The following EPB41L1 variants were observed in gnomAD, a reference collection of about 807,000 sequenced individuals.
The protein encoded by EPB41L1 is erythrocyte membrane protein band 4.1 like 1, also known as band 4.1-like protein 1.
A neutral mutation model predicts 97.8 loss-of-function variants in EPB41L1; 29 were observed. That is an observed-to-expected ratio of 0.30 (90% CI 0.22 to 0.40). The LOEUF (loss-of-function observed/expected upper bound fraction) is 0.40, where lower values mean the gene tolerates loss of function less well. EPB41L1 is among the 10% of genes least tolerant of loss of function. The probability of loss-of-function intolerance (pLI) is 1.00; values close to 1 mark genes in which losing one functional copy is unlikely to be tolerated. For synonymous variants in EPB41L1, 383 were observed against 459.2 expected (o/e 0.83, Z 2.12); for missense variants, 812 against 1,162.3 (o/e 0.70, Z 4.38).
At chr20:36,200,150 C>T (rs1362383870) in intron 14 of EPB41L1, among the ~76,000 whole-genome samples, 2 of 152,166 alleles carry the variant, frequency 1.3e-5, no homozygotes, top group African/African-American at 2.4e-5. Context: ...CAAGGATTGA[C>T]TGGCTCCTTG....
intron 2 of EPB41L1, among the ~76,000 whole-genome samples, chr20:36,116,871 A>G (rs2058601224): frequency 6.6e-6 from 1 of 152,324 alleles, no homozygotes. Flanking sequence ...GAAGAGTATG[A>G]TGTAGTGCTA....
intron 1 of EPB41L1, among the ~76,000 whole-genome samples, chr20:36,165,272 G>A (rs6060835): frequency 0.074 from 11,232 of 151,132 alleles, 532 homozygotes; most frequent in East Asian, 0.14. Context: ...ATGAGCCACC[G>A]CGCCTGGCCC....
At chr20:36,168,710 C>T (rs1275299251) in intron 1 of EPB41L1, among the ~76,000 whole-genome samples, 1 of 151,712 alleles carries the variant, frequency 6.6e-6, no homozygotes, top group Non-Finnish European at 1.5e-5. Flanking sequence ...CGTGCCACCA[C>T]GCCCAGCTAA....
At chr20:36,178,821 C>A in intron 5 of EPB41L1, 149 bp downstream of exon 5, 3 of 897,554 alleles carry the variant, frequency 3.3e-6, no homozygotes, top group South Asian at 1.3e-5. Flanking sequence ...CTTTGCGAGG[C>A]TAAGGCGGGT....
At chr20:36,159,191 T>C (rs998321419) in intron 1 of EPB41L1, among the ~76,000 whole-genome samples, 1 of 152,210 alleles carries the variant, frequency 6.6e-6, no homozygotes, top group Non-Finnish European at 1.5e-5. Context: ...CTGGTCTCCC[T>C]TTAGTCATCT....
At chr20:36,136,752 A>AT (rs34321386) in intron 2 of EPB41L1, among the ~76,000 whole-genome samples, 56,007 of 146,988 alleles carry the variant, frequency 0.38, 13,787 homozygotes, top group African/African-American at 0.71. Flanking sequence ...TACCTGACTA[A>AT]TTTTTTTTTT....
intron 2 of EPB41L1, among the ~76,000 whole-genome samples, chr20:36,118,536 C>T (rs767681943): frequency 2.8e-4 from 43 of 152,054 alleles, no homozygotes; most frequent in Non-Finnish European, 2.4e-4. Context: ...CAGCACTTGC[C>T]AGAACAACTG....
At chr20:36,155,650 G>A (rs1271103679) in intron 1 of EPB41L1, 1 of 456,436 alleles carries the variant, frequency 2.2e-6, no homozygotes, top group Non-Finnish European at 4.4e-6. Context: ...GGTCCATGGA[G>A]ACCTTGAAGT....
Position 36,207,183 on chromosome 20 carries a change from G to A in EPB41L1, c.1669-2305G>A, listed in dbSNP as rs1161569831. On this transcript the variant is annotated intron_variant, in intron 14 of 21. Coordinates refer to ENST00000338074, the MANE Select transcript of EPB41L1 (RefSeq NM_012156.2). The surrounding 1 kb of genome is among the most constrained non-coding windows in gnomAD (Gnocchi z 4.9). ...GGTCAGGGGAGCCTTCGGAGCTCAGGGAGCCCTTTCTTAGACATGTCCATC... is the reference window on the plus strand; with the variant it reads ...GGTCAGGGGAGCCTTCGGAGCTCAGAGAGCCCTTTCTTAGACATGTCCATC... The A allele has an allele frequency of 7.8e-7, 1 of 1,288,146 alleles. No homozygotes were observed. Among genetic ancestry groups the A allele is most frequent in the African/African-American group, 1.5e-5 (1 of 65,822 alleles). 79.8% of individuals were successfully genotyped at this position (1,288,146 alleles called of 1,614,324 possible).
intron 1 of EPB41L1, chr20:36,155,148 T>G (rs1447591833): frequency 4.3e-6 from 2 of 460,332 alleles, no homozygotes; most frequent in Non-Finnish European, 8.7e-6. Context: ...GGATGAGCGG[T>G]GGGTGGGCGC....
rs1205218016 is a variant in EPB41L1 at position 36,188,264 on chromosome 20, A to C, written c.874-83A>C. The C allele has an allele frequency of 2.5e-6, 4 of 1,585,880 alleles. No individual in the cohort carries two copies. In the East Asian group the frequency reaches 9.0e-5, roughly 36 times the overall value. On this transcript the variant is annotated intron_variant, in intron 8 of 21. Transcript: ENST00000338074. ...TGAGAGCTCGTTACAAGCAGCGCAC[A>C]GGGCAGTGTTTTCGGGGTGGGTGGT...
chr20:36,155,561 G>C (rs911844629), intron 1 of EPB41L1: 3 of 456,076 alleles, frequency 6.6e-6, no homozygotes, highest in Admixed American at 4.7e-5. Flanking sequence ...GGATGGGCAT[G>C]GGGGGCCAAT....
Position 36,232,326 on chromosome 20 carries a change from G to C in EPB41L1, c.*2986G>C, listed in dbSNP as rs548186531. 3 of 323,310 alleles carry C rather than the reference G, an allele frequency of 9.3e-6. No homozygotes were observed. Among genetic ancestry groups the C allele is most frequent in the Non-Finnish European group, 1.7e-5 (3 of 179,272 alleles). 20.0% of individuals were successfully genotyped at this position (323,310 alleles called of 1,614,324 possible). On this transcript the variant is annotated 3_prime_UTR_variant, in exon 22 of 22. Coordinates refer to ENST00000338074, the MANE Select transcript of EPB41L1 (RefSeq NM_012156.2). ...TCCCTGAGGGCGGTTAGGAGTTCTG[G>C]GTGACCATCCTGGCTCAGCTCCTAA... is the stretch of plus-strand genomic sequence containing the variant.
At chr20:36,197,078 G>A (rs1437281907) in intron 13 of EPB41L1, among the ~76,000 whole-genome samples, 3 of 152,222 alleles carry the variant, frequency 2.0e-5, no homozygotes, top group African/African-American at 4.8e-5. Context: ...TCTCTATCTG[G>A]CTGTATCTCA....
intron 5 of EPB41L1, among the ~76,000 whole-genome samples, chr20:36,180,893 G>T (rs1338226965): frequency 1.3e-5 from 2 of 152,126 alleles, no homozygotes; most frequent in Non-Finnish European, 2.9e-5. Context: ...TGGGCTCTGG[G>T]GCCAGATGGC....
At chr20:36,213,975 GGC>G (rs1039035566) in intron 16 of EPB41L1, among the ~76,000 whole-genome samples, 2 of 151,784 alleles carry the variant, frequency 1.3e-5, no homozygotes, top group Non-Finnish European at 2.9e-5. Context: ...GTCTCCCAAT[GGC>G]TCGCCCTGTG....
At chr20:36,113,906 A>G (rs2058502870) in intron 2 of EPB41L1, 1 of 152,508 alleles carries the variant, frequency 6.6e-6, no homozygotes, top group African/African-American at 2.4e-5. Flanking sequence ...CAAGGAGCCA[A>G]GCTCAGAAGC....
rs140475210 is a variant in EPB41L1 at position 36,100,584 on chromosome 20, G to T, written c.-65+8972G>T. 6.6e-5 allele frequency among the ~76,000 whole-genome samples: 10 copies of T among 152,336 alleles called. No individual in the cohort carries two copies. The East Asian group carries it at 1.7e-3, about 26-fold the overall frequency. On this transcript the variant is annotated intron_variant, in intron 1 of 19. Coordinates refer to the EPB41L1 transcript ENST00000202028. Reference sequence around the variant, plus strand: ...AACTACCAAGTGAGGCAGAGATGATGATCCCCGTCGTATTACAGGAGGCTA... The same window carrying T: ...AACTACCAAGTGAGGCAGAGATGATTATCCCCGTCGTATTACAGGAGGCTA...
chr20:36,187,758 G>A lies in EPB41L1; in HGVS notation c.868G>A (p.Ala290Thr), dbSNP rs756265589. The A allele has an allele frequency of 6.2e-7, 1 of 1,613,610 alleles. No individual in the cohort carries two copies. The highest frequency in any genetic ancestry group is 8.5e-7 in the Non-Finnish European group (1 of 1,179,846). Residue 290 changes from alanine to threonine, a missense_variant, in exon 8 of 22, where the codon GCC becomes ACC. Coordinates refer to ENST00000338074, the MANE Select transcript of EPB41L1 (RefSeq NM_012156.2). ...CATGTACGGAGTAGACCTGCACCATGCCAAGGTACCACCAGCTTCCTGGGT... is the reference window on the plus strand; with the variant it reads ...CATGTACGGAGTAGACCTGCACCATACCAAGGTACCACCAGCTTCCTGGGT... ...LSMYGVDLHHAKDSEGIDIML... is the reference protein window; with the variant it reads ...LSMYGVDLHHTKDSEGIDIML...
Sources: gnomAD v4.1 joint callset for allele counts (sites outside exome capture counted in the v4.1 genomes callset) on GRCh38, gnomAD v4.1.1 for gene constraint, Gnocchi (gnomAD v3.1) non-coding constraint, MANE v1.5 for transcripts, NCBI Gene and HGNC (gene_info 2026-07-23, HGNC 2026-07-21) for gene names.